Variants in SINHCAF observed in about 807,000 individuals in gnomAD.
SINHCAF encodes the protein SIN3-HDAC complex-associated factor.
SINHCAF carries 3 observed loss-of-function variants against 25.8 expected under a neutral mutation model. The observed-to-expected ratio is 0.12, with a 90% CI of 0.05 to 0.30. The LOEUF (loss-of-function observed/expected upper bound fraction) is 0.30. Among genes scored for constraint, SINHCAF ranks in the 10% least tolerant of loss-of-function variants. The pLI, the probability that SINHCAF is intolerant of heterozygous loss-of-function variation, is 1.00. For synonymous variants in SINHCAF, 70 were observed against 85.5 expected (o/e 0.82, Z 1.00); for missense variants, 121 against 262.3 (o/e 0.46, Z 3.72).
intron 1 of SINHCAF, among the ~76,000 whole-genome samples, chr12:31,312,373 T>A (rs79122705): frequency 0.15 from 22,624 of 152,112 alleles, 2,228 homozygotes; most frequent in Non-Finnish European, 0.22. Flanking sequence ...TGTGTGTGTG[T>A]GAGTGTGTGT....
chr12:31,302,394 T>C (rs1409692154), intron 1 of SINHCAF, among the ~76,000 whole-genome samples: 1 of 151,412 alleles, frequency 6.6e-6, no homozygotes, highest in Non-Finnish European at 1.5e-5. Flanking sequence ...GTTTTTGAGA[T>C]ATTTAAAAAT....
At chr12:31,291,876 T>C (rs1938344397) in intron 4 of SINHCAF, among the ~76,000 whole-genome samples, 1 of 152,070 alleles carries the variant, frequency 6.6e-6, no homozygotes, top group Non-Finnish European at 1.5e-5. Flanking sequence ...TAGTGGGTGA[T>C]ATATAAAAAT....
Position 31,280,865 on chromosome 12 carries a change from AT to A in SINHCAF, c.*1846del, listed in dbSNP as rs1343193231. 6.6e-6 allele frequency: 1 copy of A among 152,352 alleles called. No individual in the cohort carries two copies. The highest frequency in any genetic ancestry group is 2.4e-5 in the African/African-American group (1 of 41,458). 9.4% of individuals were successfully genotyped at this position (152,352 alleles called of 1,614,324 possible). ...ACTGCAGCCAAAATGTACAAAAAAA[AT>A]CATTTCAAATAACTCAGGAGGATGA... On this transcript the variant is annotated 3_prime_UTR_variant, in exon 6 of 6. Coordinates refer to ENST00000337682, the MANE Select transcript of SINHCAF (RefSeq NM_001135812.2).
At chr12:31,313,890 G>C (rs746729007) in intron 1 of SINHCAF, among the ~76,000 whole-genome samples, 4 of 151,672 alleles carry the variant, frequency 2.6e-5, no homozygotes, top group Non-Finnish European at 5.9e-5. Context: ...CCTGACCTCA[G>C]ATGATCCACC....
intron 1 of SINHCAF, among the ~76,000 whole-genome samples, chr12:31,314,680 A>G (rs1322590485): frequency 6.6e-6 from 1 of 152,196 alleles, no homozygotes; most frequent in African/African-American, 2.4e-5. Context: ...TCTATAAGGA[A>G]GAAAGATCAT....
At chr12:31,287,436 A>G (rs1326291306) in intron 5 of SINHCAF, among the ~76,000 whole-genome samples, 198 bp downstream of exon 5, 1 of 152,156 alleles carries the variant, frequency 6.6e-6, no homozygotes, top group East Asian at 1.9e-4. Flanking sequence ...AGGTACCTTG[A>G]TGTGATTTTT....
rs1937844615 is a variant in SINHCAF at position 31,282,521 on chromosome 12, C to CT, written c.*190dup. 4.4e-6 allele frequency: 2 copies of CT among 450,348 alleles called. No individual in the cohort carries two copies. The highest frequency in any genetic ancestry group is 4.7e-5 in the South Asian group (1 of 21,340). 27.9% of individuals were successfully genotyped at this position (450,348 alleles called of 1,614,324 possible). ...CCTATAAACCCAGCTACTTGGGAGG[C>CT]TGAGGCAGGAGAATCACTTGAACCC... On this transcript the variant is annotated 3_prime_UTR_variant, in exon 6 of 6. Coordinates refer to ENST00000337682, the MANE Select transcript of SINHCAF (RefSeq NM_001135812.2).
chr12:31,285,919 G>A (rs187012944), intron 5 of SINHCAF, among the ~76,000 whole-genome samples: 1 of 150,432 alleles, frequency 6.6e-6, no homozygotes, highest in Non-Finnish European at 1.5e-5. Context: ...ACATTGCAGT[G>A]AGCCAAGATA....
At chr12:31,285,716 C>T (rs1938032130) in intron 5 of SINHCAF, among the ~76,000 whole-genome samples, 1 of 152,066 alleles carries the variant, frequency 6.6e-6, no homozygotes, top group Non-Finnish European at 1.5e-5. Context: ...TAACTCACAC[C>T]TGTAATCCCA....
intron 1 of SINHCAF, among the ~76,000 whole-genome samples, chr12:31,299,189 G>A (rs953963747): frequency 6.6e-6 from 1 of 152,150 alleles, no homozygotes; most frequent in African/African-American, 2.4e-5. Context: ...ACCGGACTAA[G>A]AGAGGTGATG....
intron 1 of SINHCAF, among the ~76,000 whole-genome samples, chr12:31,308,094 C>A (rs1460280464): frequency 6.6e-6 from 1 of 152,194 alleles, no homozygotes; most frequent in African/African-American, 2.4e-5. Context: ...CATTTTGCCA[C>A]CACATCTGGC....
intron 4 of SINHCAF, 87 bp from the exon 5 acceptor site, chr12:31,287,871 G>GAA: frequency 1.1e-6 from 1 of 928,098 alleles, no homozygotes; most frequent in Non-Finnish European, 1.5e-6. Flanking sequence ...CACTGTGAAA[G>GAA]AGTTGGTAAA....
Position 31,291,066 on chromosome 12 carries a change from C to T in SINHCAF, c.355+2739G>A, listed in dbSNP as rs75191502. On this transcript the variant is annotated intron_variant, in intron 4 of 5. Transcript: ENST00000337682. ...AAAATTACGTAGGATTTAGAAGGCA[C>T]CAAGGAGTGATTAGATGGCATCAAG... Among the ~76,000 whole-genome samples the T allele has an allele frequency of 6.4e-3, 968 of 152,110 alleles. 18 individuals are homozygous for T. The highest frequency in any genetic ancestry group is 0.022 in the African/African-American group (932 of 41,480).
intron 1 of SINHCAF, among the ~76,000 whole-genome samples, chr12:31,313,718 G>A (rs1318741752): frequency 1.3e-5 from 2 of 151,902 alleles, no homozygotes; most frequent in African/African-American, 2.4e-5. Context: ...GCACGATCTC[G>A]GCTCACTGCA....
chr12:31,306,045 C>T (rs1939012973), intron 1 of SINHCAF, among the ~76,000 whole-genome samples: 1 of 152,164 alleles, frequency 6.6e-6, no homozygotes, highest in Admixed American at 6.5e-5. Flanking sequence ...AATAAGTTCC[C>T]CTATTGCTGT....
intron 1 of SINHCAF, among the ~76,000 whole-genome samples, chr12:31,300,559 G>C (rs896512358): frequency 1.3e-5 from 2 of 152,202 alleles, no homozygotes; most frequent in Non-Finnish European, 2.9e-5. Flanking sequence ...AGAGAGGCCT[G>C]CTCAAATGAG....
chr12:31,285,207 G>A (rs1937987335), intron 5 of SINHCAF, among the ~76,000 whole-genome samples: 1 of 152,040 alleles, frequency 6.6e-6, no homozygotes. Flanking sequence ...GGCCAGCATG[G>A]TGAAACCCAA....
At chr12:31,296,643 C>A (rs534167839) in intron 2 of SINHCAF, among the ~76,000 whole-genome samples, 12 of 151,932 alleles carry the variant, frequency 7.9e-5, no homozygotes, top group Admixed American at 6.5e-4. Context: ...CTGAGGCAGC[C>A]GGGAGTTCGA....
chr12:31,298,776 A>G (rs1313977296), intron 1 of SINHCAF, among the ~76,000 whole-genome samples: 4 of 152,222 alleles, frequency 2.6e-5, no homozygotes, highest in Non-Finnish European at 4.4e-5. Context: ...GGAAGTTCTA[A>G]GCAGTCAAGT....
Sources: gnomAD v4.1 joint callset for allele counts (sites outside exome capture counted in the v4.1 genomes callset) on GRCh38, gnomAD v4.1.1 for gene constraint, MANE v1.5 for transcripts, NCBI Gene and HGNC (gene_info 2026-07-23, HGNC 2026-07-21) for gene names.